COL20A1: variants seen among roughly 807,000 people sequenced by gnomAD.
COL20A1 encodes the protein collagen alpha-1(XX) chain.
In COL20A1, 164 loss-of-function variants were observed where a neutral mutation model predicts 152.9. That is an observed-to-expected ratio of 1.07 (90% CI 0.94 to 1.22). The LOEUF is 1.22. Among genes scored for constraint, COL20A1 ranks in the 50% most tolerant of loss-of-function variants. The pLI is 0.00. For synonymous variants in COL20A1, 864 were observed against 756.0 expected, an observed-to-expected ratio of 1.14 and a Z score of -2.34; for missense variants, 1,873 against 1,744.8, an observed-to-expected ratio of 1.07 and a Z score of -1.31.
intron 10 of COL20A1, 54 bp downstream of exon 10, chr20:63,309,969 T>A: frequency 6.8e-7 from 1 of 1,475,716 alleles, no homozygotes; most frequent in Non-Finnish European, 9.2e-7. Context: ...CGTAGTGAGA[T>A]CTGATAAGCC....
chr20:63,316,650 C>T lies in COL20A1; in HGVS notation c.2622C>T (p.Thr874=). The T allele has an allele frequency of 6.3e-7, 1 of 1,575,626 alleles. No individual in the cohort carries two copies. The highest frequency in any genetic ancestry group is 8.6e-7 in the Non-Finnish European group (1 of 1,161,458). ...MEPSAFGGTP[T]FTLFKDAQLT... ...CCTCTGCCTTCGGTGGGACCCCGACCTTCACGCTCTTCAAGGACGCCCAGC... is the reference window on the plus strand; with the variant it reads ...CCTCTGCCTTCGGTGGGACCCCGACTTTCACGCTCTTCAAGGACGCCCAGC... Residue 874 remains threonine, a synonymous_variant, in exon 21 of 36, where the codon ACC becomes ACT. Coordinates refer to ENST00000358894, the MANE Select transcript of COL20A1 (RefSeq NM_020882.4).
chr20:63,316,202 G>T (rs2068082113), intron 20 of COL20A1, among the ~76,000 whole-genome samples: 1 of 152,104 alleles, frequency 6.6e-6, no homozygotes, highest in Non-Finnish European at 1.5e-5. Flanking sequence ...CGAGAGGTGG[G>T]AGTTGGGGCT....
chr20:63,329,439 GCTGCCC>G, intron 34 of COL20A1, 140 bp from the exon 35 acceptor site: 1 of 647,076 alleles, frequency 1.5e-6, no homozygotes, highest in Non-Finnish European at 2.7e-6. Context: ...CTGGCACGCT[GCTGCCC>G]CTAGATCTCA....
In COL20A1 at chr20:63,311,931, CGA is replaced by C. The variant is rs1344414708; in HGVS notation, c.1682_1683del (p.Arg561ThrfsTer167). The C allele has an allele frequency of 6.4e-7, 1 of 1,565,504 alleles. No individual in the cohort carries two copies. Among genetic ancestry groups the C allele is most frequent in the Non-Finnish European group, 8.6e-7 (1 of 1,158,852 alleles). On this transcript the variant is annotated frameshift_variant, in exon 14 of 36. Coordinates refer to ENST00000358894, the MANE Select transcript of COL20A1 (RefSeq NM_020882.4). LOFTEE classifies it high-confidence loss of function. This position sits in a 1 kb window ranked among gnomAD's most constrained non-coding sequence, Gnocchi z 4.4. ...TGCTTTGCAGCCACCCTGGCCCCCC[CGA>C]GACACCTGGGCTTCTCAGACGTGAG...
chr20:63,293,807 G>C (rs1318728369), intron 1 of COL20A1, among the ~76,000 whole-genome samples: 1 of 151,000 alleles, frequency 6.6e-6, no homozygotes, highest in Non-Finnish European at 1.5e-5. Context: ...CTTTCCCGCC[G>C]GGTGAGGCCT....
chr20:63,307,346 G>A, intron 5 of COL20A1, 144 bp from the exon 6 acceptor site: 1 of 720,590 alleles, frequency 1.4e-6, no homozygotes, highest in Non-Finnish European at 2.3e-6. Context: ...AGTCCGGTGA[G>A]GCCTGAGGGC....
Position 63,329,159 on chromosome 20 carries a change from G to A in COL20A1, c.3782-426G>A, listed in dbSNP as rs376797952. ...GAATCCCACCCCTCATCCCACAGAC[G>A]TCTCAGGAAACTGGGGGCAACCTGG... On this transcript the variant is annotated intron_variant, in intron 34 of 35. Coordinates refer to ENST00000358894, the MANE Select transcript of COL20A1 (RefSeq NM_020882.4). 1.6e-4 allele frequency: 32 copies of A among 195,784 alleles called. No homozygotes were observed. The East Asian group carries it at 3.4e-3, about 21-fold the overall frequency. 12.1% of individuals were successfully genotyped at this position (195,784 alleles called of 1,614,324 possible). A position where few individuals can be genotyped will look rare whatever the true frequency, so the allele number is the denominator to read the frequency against.
chr20:63,322,584 G>C (rs963984306), intron 27 of COL20A1, among the ~76,000 whole-genome samples: 2 of 152,230 alleles, frequency 1.3e-5, no homozygotes, highest in Admixed American at 6.5e-5. Context: ...GAGGTGTTTC[G>C]GGGGCGGAGG....
Position 63,309,856 on chromosome 20 carries a change from C to CG in COL20A1, c.1206dup (p.His403AlafsTer13). On this transcript the variant is annotated frameshift_variant, in exon 10 of 36. Transcript: ENST00000358894. LOFTEE classifies it high-confidence loss of function. ...CCGCCTGTCCTGGACTCCAGCCCCC[C>CG]GGCACCCCCTCAAGTATCTGATCGT... 1 of 1,611,678 alleles carries CG rather than the reference C, an allele frequency of 6.2e-7. No homozygotes were observed. Among genetic ancestry groups the CG allele is most frequent in the African/African-American group, 1.3e-5 (1 of 75,038 alleles).
rs376354846 is a variant in COL20A1 at position 63,326,739 on chromosome 20, T to C, written c.3457-13T>C. 3.7e-4 allele frequency: 526 copies of C among 1,438,066 alleles called. 2 individuals are homozygous for C. In the African/African-American group the frequency reaches 7.2e-3, roughly 20 times the overall value. 89.1% of individuals were successfully genotyped at this position (1,438,066 alleles called of 1,614,324 possible). A position where few individuals can be genotyped will look rare whatever the true frequency, so the allele number is the denominator to read the frequency against. On this transcript the variant is annotated splice_polypyrimidine_tract_variant and intron_variant, in intron 30 of 35. Coordinates refer to ENST00000358894, the MANE Select transcript of COL20A1 (RefSeq NM_020882.4). ...GGGGCCCAAGCCAAACCCTGACTTC[T>C]GTGTCTATGCAGGGGTTCCAGGGCA... is the stretch of plus-strand genomic sequence containing the variant.
In COL20A1 at chr20:63,309,473, G is replaced by A. The variant is rs1338896838; in HGVS notation, c.1081G>A (p.Gly361Ser). Residue 361 changes from glycine to serine, a missense_variant, in exon 9 of 36, where the codon GGT (glycine) becomes AGT (serine). By Grantham distance (56) the Gly-to-Ser change is moderately conservative. Coordinates refer to ENST00000358894, the MANE Select transcript of COL20A1 (RefSeq NM_020882.4). ...LSRLICQRLQ[G>S]GSPRQGPAAA... is the part of the protein sequence containing the mutation. ...CCGTCTCATCTGCCAGAGGCTCCAG[G>A]GTGGGAGCCCGCGGCAGGGCCCAGG... The A allele has an allele frequency of 6.5e-7, 1 of 1,530,442 alleles. No homozygotes were observed. The highest frequency in any genetic ancestry group is 2.1e-5 in the Admixed American group (1 of 48,754). The allele number at this position is 1,530,442 out of a possible 1,614,324, so 94.8% of individuals were successfully genotyped here.
chr20:63,297,877 G>C (rs1338619234), intron 2 of COL20A1, 33 bp from the exon 3 acceptor site: 1 of 1,564,272 alleles, frequency 6.4e-7, no homozygotes, highest in South Asian at 1.1e-5. Flanking sequence ...GGGAGGCCAG[G>C]TCAGTCCTGA....
In COL20A1 at chr20:63,330,013, G is replaced by A. The variant is rs2068311493; in HGVS notation, c.*3+352G>A. ...CAGGGTTAGCGCAGCAGGGAGAGTG[G>A]AGCTCAGGTGTTTGCTCAGTGGGCA... On this transcript the variant is annotated intron_variant, in intron 35 of 35. Transcript: ENST00000358894. Among the ~76,000 whole-genome samples the A allele has an allele frequency of 2.0e-5, 3 of 152,122 alleles. No homozygotes were observed. The South Asian group carries it at 6.2e-4, about 31-fold the overall frequency.
At chr20:63,297,838 C>T (rs979878392) in intron 2 of COL20A1, 72 bp from the exon 3 acceptor site, 6 of 1,204,224 alleles carry the variant, frequency 5.0e-6, no homozygotes, top group South Asian at 2.6e-5. Context: ...GGCAGGATGC[C>T]TGTACCCCCA....
chr20:63,315,484 C>T (rs551754445), intron 20 of COL20A1, 45 bp downstream of exon 20: 5 of 1,518,698 alleles, frequency 3.3e-6, no homozygotes, highest in Non-Finnish European at 3.5e-6. Context: ...CACAGTCTCT[C>T]GGGCTCTTCC....
chr20:63,327,262 C>T, intron 31 of COL20A1: 1 of 190,068 alleles, frequency 5.3e-6, no homozygotes, highest in Non-Finnish European at 1.1e-5. Flanking sequence ...CTATTGACCA[C>T]CCAGGGACTT....
intron 28 of COL20A1, 75 bp downstream of exon 28, chr20:63,325,569 C>G (rs1193611955): frequency 6.5e-7 from 1 of 1,547,898 alleles, no homozygotes; most frequent in East Asian, 2.3e-5. Context: ...ATGGGGAGTG[C>G]CTGGGGGGCA....
In COL20A1 at chr20:63,306,633, G is replaced by A. The variant is rs890511898; in HGVS notation, c.496+594G>A. ...GAGGTAGAGCCACACCAGGACAGAA[G>A]AGAAGCCAGGTAAGGGGTGGGCACA... On this transcript the variant is annotated intron_variant, in intron 5 of 35. Transcript: ENST00000358894. The surrounding 1 kb of genome is among the most constrained non-coding windows in gnomAD (Gnocchi z 6.9). Among the ~76,000 whole-genome samples, 2 of 152,202 alleles carry A rather than the reference G, an allele frequency of 1.3e-5. No individual in the cohort carries two copies. The highest frequency in any genetic ancestry group is 6.5e-5 in the Admixed American group (1 of 15,286).
intron 35 of COL20A1, among the ~76,000 whole-genome samples, 157 bp from the exon 36 acceptor site, chr20:63,330,563 C>T (rs1046181991): frequency 6.6e-6 from 1 of 152,194 alleles, no homozygotes; most frequent in African/African-American, 2.4e-5. Flanking sequence ...ACTTACGGCC[C>T]TGCCCATGGC....
Sources: allele counts gnomAD v4.1 joint callset (sites outside exome capture counted in the v4.1 genomes callset), GRCh38; gene constraint gnomAD v4.1.1; non-coding constraint Gnocchi (gnomAD v3.1); transcripts MANE v1.5; gene names NCBI Gene and HGNC (gene_info 2026-07-23, HGNC 2026-07-21).